The following FAM53A variants were observed in gnomAD, a reference collection of about 807,000 sequenced individuals.
FAM53A encodes family with sequence similarity 53 member A, also known as protein FAM53A.
Under a neutral mutation model 26.6 loss-of-function variants are expected in FAM53A, and 28 were observed. The ratio of observed to expected loss-of-function variants is 1.05; its 90% CI spans 0.78 to 1.45. The LOEUF (loss-of-function observed/expected upper bound fraction) is 1.45, where lower values mean the gene tolerates loss of function less well. Among genes scored for constraint, FAM53A ranks in the 40% most tolerant of loss-of-function variants. The pLI, the probability that FAM53A is intolerant of heterozygous loss-of-function variation, is 0.00. For missense variants in FAM53A, 650 were observed against 575.8 expected (o/e 1.13, Z -1.32); for synonymous variants, 290 against 253.1 (o/e 1.15, Z -1.38).
rs954231623 is a variant in FAM53A at position 1,640,132 on chromosome 4, G to T, written c.*1161C>A. 2 of 155,146 alleles carry T rather than the reference G, an allele frequency of 1.3e-5. No homozygotes were observed. The highest frequency in any genetic ancestry group is 2.8e-5 in the Non-Finnish European group (2 of 70,400). 9.6% of individuals were successfully genotyped at this position (155,146 alleles called of 1,614,324 possible). A position where few individuals can be genotyped will look rare whatever the true frequency, so the allele number is the denominator to read the frequency against. ...TGCCGGCAGGACAGCCTTCCCAGAG[G>T]TCTGGCACTACACCCCACCTGAAGG... On this transcript the variant is annotated 3_prime_UTR_variant, in exon 5 of 5. Coordinates refer to ENST00000308132, the MANE Select transcript of FAM53A (RefSeq NM_001174070.3).
At chr4:1,615,796 A>G (rs1230565797), downstream of FAM53A, among the ~76,000 whole-genome samples, 1 of 152,282 alleles carries the variant, frequency 6.6e-6, no homozygotes, top group Non-Finnish European at 1.5e-5. Context: ...CAAATGCAGA[A>G]TCCGAACAAG....
At chr4:1,626,947 G>T (rs571982102) in intron 1 of FAM53A, among the ~76,000 whole-genome samples, 1 of 152,208 alleles carries the variant, frequency 6.6e-6, no homozygotes, top group African/African-American at 2.4e-5. Context: ...GAGGGTGGGG[G>T]CCTGGCCTGG....
At chr4:1,642,756 G>A (rs1037388443) in intron 4 of FAM53A, among the ~76,000 whole-genome samples, 2 of 151,924 alleles carry the variant, frequency 1.3e-5, no homozygotes, top group African/African-American at 4.8e-5. Flanking sequence ...GCCACTGGGA[G>A]CAGCCTTCCT....
At chr4:1,604,917 G>A in the FAM53A span, among the ~76,000 whole-genome samples, 1 of 152,052 alleles carries the variant, frequency 6.6e-6, no homozygotes, top group African/African-American at 2.4e-5. Context: ...ACTCCCCAAG[G>A]CTCTGGCCCT....
chr4:1,595,021 C>A, the FAM53A span, among the ~76,000 whole-genome samples: 4 of 152,240 alleles, frequency 2.6e-5, no homozygotes, highest in Non-Finnish European at 4.4e-5. Flanking sequence ...CCCATCCCCC[C>A]ACAGGATGGA....
chr4:1,612,994 C>A (rs1197384019), downstream of FAM53A, among the ~76,000 whole-genome samples: 1 of 152,224 alleles, frequency 6.6e-6, no homozygotes, highest in Non-Finnish European at 1.5e-5. Context: ...AGCACAGACA[C>A]CTGCGCACAC....
chr4:1,605,912 G>A, the FAM53A span, among the ~76,000 whole-genome samples: 7 of 152,080 alleles, frequency 4.6e-5, no homozygotes, highest in Admixed American at 2.6e-4. This position sits in a 1 kb window ranked among gnomAD's most constrained non-coding sequence, Gnocchi z 5.7. Flanking sequence ...TCGTTGTCCC[G>A]TTCCTGTCCT....
intron 4 of FAM53A, among the ~76,000 whole-genome samples, chr4:1,652,942 A>G (rs996145391): frequency 2.4e-4 from 36 of 149,350 alleles, no homozygotes; most frequent in African/African-American, 8.9e-4. Flanking sequence ...CACCCCCACC[A>G]CACACATACC....
chr4:1,597,935 G>GCA, the FAM53A span, among the ~76,000 whole-genome samples: 4 of 152,262 alleles, frequency 2.6e-5, no homozygotes, highest in Non-Finnish European at 5.9e-5. Context: ...AGCAGAGGTT[G>GCA]CAGTGAGCTG....
At chr4:1,653,830 C>G (rs558534482) in intron 4 of FAM53A, among the ~76,000 whole-genome samples, 1 of 152,226 alleles carries the variant, frequency 6.6e-6, no homozygotes, top group African/African-American at 2.4e-5. Flanking sequence ...CCTGGCACGC[C>G]GGCCACACTG....
rs146620323 is a variant in FAM53A at position 1,657,558 on chromosome 4, C to T, written c.76-90G>A. The stretch of plus-strand genomic sequence containing the variant: ...ATTTTCATCACTGCAGCACGTTCTA[C>T]CTTTCCCCAGTGTTTTCTTTCTAGT... On this transcript the variant is annotated intron_variant, in intron 2 of 4. Coordinates refer to ENST00000308132, the MANE Select transcript of FAM53A (RefSeq NM_001174070.3). The T allele has an allele frequency of 2.2e-3, 2,363 of 1,082,242 alleles. 5 individuals carry two copies. Among genetic ancestry groups the T allele is most frequent in the Middle Eastern group, 8.7e-3 (44 of 5,042 alleles). 67.0% of individuals were successfully genotyped at this position (1,082,242 alleles called of 1,614,324 possible).
intron 1 of FAM53A, among the ~76,000 whole-genome samples, chr4:1,628,663 T>C (rs1250048481): frequency 2.6e-4 from 2 of 7,840 alleles, no homozygotes; most frequent in Non-Finnish European, 4.3e-4. Flanking sequence ...GGTGGCATGG[T>C]GGGAGGGTGG....
the FAM53A span, among the ~76,000 whole-genome samples, chr4:1,593,441 C>T: frequency 6.6e-6 from 1 of 152,222 alleles, no homozygotes; most frequent in East Asian, 1.9e-4. Context: ...CCGGCTCCCC[C>T]CTCGGTAGAT....
chr4:1,665,974 T>C (rs1391788445), intron 2 of FAM53A, among the ~76,000 whole-genome samples: 1 of 55,228 alleles, frequency 1.8e-5, no homozygotes, highest in Non-Finnish European at 3.6e-5. Context: ...ATATCTAAAA[T>C]AAAACCTGCA....
chr4:1,575,592 C>T, the FAM53A span, among the ~76,000 whole-genome samples: 1 of 152,004 alleles, frequency 6.6e-6, no homozygotes, highest in Non-Finnish European at 1.5e-5. Flanking sequence ...GCGCCTTGCC[C>T]GAAGCTGAGT....
chr4:1,656,092 T>C lies in FAM53A; in HGVS notation c.137-369A>G, dbSNP rs971307523. On this transcript the variant is annotated intron_variant, in intron 3 of 4. Coordinates refer to ENST00000308132, the MANE Select transcript of FAM53A (RefSeq NM_001174070.3). ...TCTGTGACCAGGCATCTCAAGGATGTGCGGCTACCCCGGCCAGGACTCTCC... is the reference window on the plus strand; with the variant it reads ...TCTGTGACCAGGCATCTCAAGGATGCGCGGCTACCCCGGCCAGGACTCTCC... Among the ~76,000 whole-genome samples, 27 of 152,288 alleles carry C rather than the reference T, an allele frequency of 1.8e-4. 1 individual carries two copies. Among genetic ancestry groups the C allele is most frequent in the African/African-American group, 6.3e-4 (26 of 41,568 alleles).
the FAM53A span, among the ~76,000 whole-genome samples, chr4:1,599,640 G>A: frequency 4.9e-3 from 749 of 152,250 alleles, 7 homozygotes; most frequent in African/African-American, 0.017. The surrounding 1 kb of genome is among the most constrained non-coding windows in gnomAD (Gnocchi z 6.1). Flanking sequence ...GAGCCTAGGC[G>A]GGCCTTGGCC....
the FAM53A span, among the ~76,000 whole-genome samples, chr4:1,610,651 G>C: frequency 1.3e-5 from 2 of 151,950 alleles, no homozygotes; most frequent in Admixed American, 6.6e-5. Context: ...TCCGCGACGT[G>C]GGGGGCGGCC....
rs1202306772 is a variant in FAM53A, at chr4:1,659,497, G to A, written c.76-2029C>T. On this transcript the variant is annotated intron_variant, in intron 2 of 4. Coordinates refer to ENST00000308132, the MANE Select transcript of FAM53A (RefSeq NM_001174070.3). This position sits in a 1 kb window ranked among gnomAD's most constrained non-coding sequence, Gnocchi z 5.2. Reference sequence around the variant, plus strand: ...CACAGATGGCTCTCACGGGCAGCTTGAAGGAGCCACAGGCCCGCACGGTCC... The same window carrying A: ...CACAGATGGCTCTCACGGGCAGCTTAAAGGAGCCACAGGCCCGCACGGTCC... Among the ~76,000 whole-genome samples the A allele has an allele frequency of 6.6e-6, 1 of 152,196 alleles. No individual in the cohort carries two copies. Among genetic ancestry groups the A allele is most frequent in the East Asian group, 1.9e-4 (1 of 5,192 alleles).
Sources: gnomAD v4.1 joint callset for allele counts (sites outside exome capture counted in the v4.1 genomes callset) on GRCh38, gnomAD v4.1.1 for gene constraint, Gnocchi (gnomAD v3.1) non-coding constraint, MANE v1.5 for transcripts, NCBI Gene and HGNC (gene_info 2026-07-23, HGNC 2026-07-21) for gene names.